Variants in GLRA3 observed in about 807,000 individuals in gnomAD.
The protein encoded by GLRA3 is glycine receptor alpha 3.
GLRA3 carries 44 observed loss-of-function variants against 60.4 expected under a neutral mutation model. That is an observed-to-expected ratio of 0.73 (90% CI 0.57 to 0.94). GLRA3 has a LOEUF of 0.94. GLRA3 is among the 40% of genes least tolerant of loss of function. The pLI is 0.00. For synonymous variants in GLRA3, 223 were observed against 192.9 expected (o/e 1.16, Z -1.29); for missense variants, 508 against 564.6 (o/e 0.90, Z 1.02).
At chr4:174,738,713 G>T (rs1015078719) in intron 3 of GLRA3, among the ~76,000 whole-genome samples, 1 of 152,018 alleles carries the variant, frequency 6.6e-6, no homozygotes, top group African/African-American at 2.4e-5. Flanking sequence ...ATTTATACTC[G>T]AATACTTTCA....
intron 5 of GLRA3, among the ~76,000 whole-genome samples, chr4:174,706,647 T>C (rs1329140843): frequency 6.6e-6 from 1 of 152,202 alleles, no homozygotes; most frequent in Non-Finnish European, 1.5e-5. Flanking sequence ...GAACCCTGCT[T>C]GAGCAGGACA....
intron 4 of GLRA3, among the ~76,000 whole-genome samples, chr4:174,725,542 G>A (rs1310124895): frequency 1.3e-5 from 2 of 152,154 alleles, no homozygotes; most frequent in Non-Finnish European, 2.9e-5. Flanking sequence ...GTGCAGTGGT[G>A]CGATCTGGGC....
At chr4:174,672,604 A>C (rs756016338) in intron 7 of GLRA3, among the ~76,000 whole-genome samples, 9 of 152,020 alleles carry the variant, frequency 5.9e-5, no homozygotes, top group Non-Finnish European at 1.3e-4. Context: ...CAGAATGAGG[A>C]CACAGAGGGA....
At chr4:174,728,438 A>G (rs1430302165) in intron 4 of GLRA3, 37 bp downstream of exon 4, 2 of 1,127,394 alleles carry the variant, frequency 1.8e-6, no homozygotes, top group African/African-American at 1.5e-5. Flanking sequence ...ATGATATTCT[A>G]TTTCACTGAA....
intron 1 of GLRA3, among the ~76,000 whole-genome samples, chr4:174,823,409 C>T (rs997004762): frequency 3.3e-5 from 5 of 152,196 alleles, no homozygotes; most frequent in African/African-American, 1.2e-4. Context: ...CCTGTAGTCC[C>T]AGCTACTCAG....
chr4:174,754,639 T>C (rs975594234), intron 3 of GLRA3, among the ~76,000 whole-genome samples: 2 of 152,172 alleles, frequency 1.3e-5, no homozygotes, highest in African/African-American at 2.4e-5. Context: ...TTTGTAAGAA[T>C]TTAACCCATT....
At chr4:174,715,848 A>T (rs1443017422) in intron 4 of GLRA3, among the ~76,000 whole-genome samples, 1 of 152,182 alleles carries the variant, frequency 6.6e-6, no homozygotes, top group African/African-American at 2.4e-5. Context: ...TTACTTTTGC[A>T]CTAACCTAAA....
rs1220185797 is a variant in GLRA3, at chr4:174,767,029, G to A, written c.201C>T (p.Gly67=). 6.3e-7 allele frequency: 1 copy of A among 1,580,862 alleles called. No homozygotes were observed. The change falls in exon 3 of 10, where the codon GGC becomes GGT. Residue 67 remains glycine, a splice_region_variant and synonymous_variant. Coordinates refer to ENST00000274093, the MANE Select transcript of GLRA3 (RefSeq NM_006529.4). ...YDARIRPNFK[G]PPVNVTCNIF... ...TGTTGCATGTGACATTAACTGGAGG[G>A]CCTGAAAAAGAGATGAAAACATAAG...
chr4:174,716,242 T>C (rs1236418103), intron 4 of GLRA3, among the ~76,000 whole-genome samples: 1 of 152,138 alleles, frequency 6.6e-6, no homozygotes, highest in East Asian at 1.9e-4. Context: ...GGTCAGGAAA[T>C]AGCCCTCTAG....
chr4:174,716,811 A>G (rs1489825890), intron 4 of GLRA3, among the ~76,000 whole-genome samples: 1 of 152,204 alleles, frequency 6.6e-6, no homozygotes, highest in African/African-American at 2.4e-5. Context: ...GTTGTTAGTG[A>G]TTATTAGTAT....
intron 3 of GLRA3, among the ~76,000 whole-genome samples, chr4:174,759,667 A>T (rs1737864956): frequency 6.6e-6 from 1 of 152,170 alleles, no homozygotes; most frequent in African/African-American, 2.4e-5. Context: ...ATTAAATATC[A>T]AGTCTAATAT....
chr4:174,756,680 TTTTGCCCA>T (rs1291291772), intron 3 of GLRA3, among the ~76,000 whole-genome samples: 75 of 150,816 alleles, frequency 5.0e-4, no homozygotes, highest in African/African-American at 1.7e-3. Flanking sequence ...AGTCTCGCTC[TTTTGCCCA>T]GGCTGGAGTG....
chr4:174,674,308 T>A (rs1022947719), intron 7 of GLRA3, among the ~76,000 whole-genome samples: 6 of 150,014 alleles, frequency 4.0e-5, no homozygotes, highest in Admixed American at 1.3e-4. Flanking sequence ...GCTCCTAAAG[T>A]TACACAACCT....
intron 1 of GLRA3, among the ~76,000 whole-genome samples, chr4:174,806,749 G>A (rs1432724170): frequency 2.0e-5 from 3 of 151,874 alleles, no homozygotes; most frequent in Non-Finnish European, 2.9e-5. Flanking sequence ...TGGTATCCTC[G>A]GGAGTCCTGG....
chr4:174,795,412 T>G (rs1186322850), intron 1 of GLRA3, among the ~76,000 whole-genome samples: 2 of 152,164 alleles, frequency 1.3e-5, no homozygotes, highest in Non-Finnish European at 2.9e-5. Context: ...AAAATTATGG[T>G]TCTTTTGACA....
intron 4 of GLRA3, among the ~76,000 whole-genome samples, chr4:174,726,862 G>A (rs1213858416): frequency 1.3e-5 from 2 of 152,042 alleles, no homozygotes; most frequent in South Asian, 2.1e-4. Context: ...TGGGGGAGGG[G>A]TGGACTTTTG....
intron 5 of GLRA3, among the ~76,000 whole-genome samples, 182 bp from the exon 6 acceptor site, chr4:174,683,121 G>A (rs1734418597): frequency 6.6e-6 from 1 of 152,040 alleles, no homozygotes. Context: ...GTCTATTCAC[G>A]TGGAACTCCC....
intron 2 of GLRA3, among the ~76,000 whole-genome samples, chr4:174,784,468 T>TA (rs1233041090): frequency 4.4e-4 from 51 of 115,798 alleles, no homozygotes; most frequent in African/African-American, 1.1e-3. Flanking sequence ...AAAGTATAAT[T>TA]AAAAAAAAAA....
At chr4:174,774,943 G>A (rs1365567453) in intron 2 of GLRA3, among the ~76,000 whole-genome samples, 1 of 152,040 alleles carries the variant, frequency 6.6e-6, no homozygotes, top group Non-Finnish European at 1.5e-5. Flanking sequence ...CATTGAAGTG[G>A]TTCAGAAAAA....
Sources: allele counts gnomAD v4.1 joint callset (sites outside exome capture counted in the v4.1 genomes callset), GRCh38; gene constraint gnomAD v4.1.1; transcripts MANE v1.5; gene names NCBI Gene and HGNC (gene_info 2026-07-23, HGNC 2026-07-21).